SLC27A2: variants seen among roughly 807,000 people sequenced by gnomAD.
SLC27A2 encodes long-chain fatty acid transport protein 2.
SLC27A2 carries 54 observed loss-of-function variants against 60.0 expected under a neutral mutation model. The ratio of observed to expected loss-of-function variants is 0.90; its 90% CI spans 0.72 to 1.13. The LOEUF is 1.13. SLC27A2 is among the 50% of genes most tolerant of loss of function. The probability of loss-of-function intolerance (pLI) is 0.00; values close to 1 mark genes in which losing one functional copy is unlikely to be tolerated. For missense variants in SLC27A2, 739 were observed against 777.6 expected (o/e 0.95, Z 0.59); for synonymous variants, 297 against 297.6 (o/e 1.00, Z 0.02).
intron 8 of SLC27A2, among the ~76,000 whole-genome samples, chr15:50,230,437 G>A (rs1028017434): frequency 2.6e-5 from 4 of 152,004 alleles, no homozygotes; most frequent in African/African-American, 9.7e-5. Context: ...CAGCTACTTG[G>A]GAGGCTGAGG....
intron 7 of SLC27A2, among the ~76,000 whole-genome samples, chr15:50,228,638 ATTTC>A (rs1410115259): frequency 3.3e-5 from 5 of 152,158 alleles, no homozygotes; most frequent in Admixed American, 6.5e-5. Flanking sequence ...AATCGTTGAG[ATTTC>A]TTTCTAATTT....
intron 1 of SLC27A2, among the ~76,000 whole-genome samples, chr15:50,183,923 A>G (rs1435729848): frequency 2.0e-5 from 3 of 151,260 alleles, no homozygotes; most frequent in Non-Finnish European, 4.4e-5. Context: ...ACCATTATAC[A>G]GTTGAGAAAA....
intron 1 of SLC27A2, among the ~76,000 whole-genome samples, chr15:50,194,865 A>C (rs761989870): frequency 3.3e-5 from 5 of 152,234 alleles, no homozygotes; most frequent in African/African-American, 4.8e-5. Flanking sequence ...CTGTTCAAGA[A>C]AGTAAGTACA....
At chr15:50,218,741 C>T (rs1017479738) in intron 4 of SLC27A2, among the ~76,000 whole-genome samples, 8 of 152,010 alleles carry the variant, frequency 5.3e-5, no homozygotes, top group East Asian at 1.9e-4. Context: ...TACTCCCCTT[C>T]GGGAATTTAC....
chr15:50,208,870 A>G (rs1405569270), intron 4 of SLC27A2, among the ~76,000 whole-genome samples: 1 of 152,208 alleles, frequency 6.6e-6, no homozygotes, highest in African/African-American at 2.4e-5. Flanking sequence ...CTTGCAGTGT[A>G]TGGTTGTCAG....
chr15:50,185,730 C>T (rs536904494), intron 1 of SLC27A2, among the ~76,000 whole-genome samples: 33 of 149,968 alleles, frequency 2.2e-4, no homozygotes, highest in African/African-American at 6.9e-4. Flanking sequence ...CCCTGGTTCA[C>T]GCCATTCTCC....
chr15:50,227,104 C>T lies in SLC27A2; in HGVS notation c.1383C>T (p.Phe461=). Residue 461 remains phenylalanine (F), a synonymous_variant, in exon 7 of 10, where the codon TTC becomes TTT. Transcript: ENST00000267842. The stretch of plus-strand genomic sequence containing the variant: ...TCTTTAAGAAAGGAGACCTCTATTT[C>T]AACAGTGGAGATCTCTTAATGGTTG... The part of the protein sequence containing the change: ...RDVFKKGDLY[F]NSGDLLMVDH... 1 of 1,613,902 alleles carries T rather than the reference C, an allele frequency of 6.2e-7. No individual in the cohort carries two copies. The highest frequency in any genetic ancestry group is 8.5e-7 in the Non-Finnish European group (1 of 1,179,770).
chr15:50,215,837 G>T (rs2045191052), intron 4 of SLC27A2, among the ~76,000 whole-genome samples: 1 of 152,080 alleles, frequency 6.6e-6, no homozygotes, highest in South Asian at 2.1e-4. Flanking sequence ...ACTTAAACCT[G>T]ACACGCGAAA....
rs187504796 is a variant in SLC27A2, at chr15:50,206,913, A to G, written c.972+1550A>G. The stretch of plus-strand genomic sequence containing the variant: ...TTTTGGCATATTCAATAGATTCTCG[A>G]GGATCATCATTAGCAGTGAGTTGGG... On this transcript the variant is annotated intron_variant, in intron 4 of 9. Transcript: ENST00000267842. Among the ~76,000 whole-genome samples the G allele has an allele frequency of 5.1e-3, 782 of 152,318 alleles. 3 individuals carry two copies. The highest frequency in any genetic ancestry group is 9.0e-3 in the Non-Finnish European group (609 of 68,034).
rs58548530 is a variant in SLC27A2, at chr15:50,219,589, C to G, written c.973-3376C>G. 7.7e-3 allele frequency among the ~76,000 whole-genome samples: 1,175 copies of G among 152,136 alleles called. 33 individuals are homozygous for G. In the East Asian group the frequency reaches 0.096, roughly 12 times the overall value. ...ATTCAGATTTGAATCTTGGAGCAAC[C>G]GTTTTGCTACCTTTGTGATCCTGGG... is the stretch of plus-strand genomic sequence containing the variant. On this transcript the variant is annotated intron_variant, in intron 4 of 9. Coordinates refer to ENST00000267842, the MANE Select transcript of SLC27A2 (RefSeq NM_003645.4).
intron 3 of SLC27A2, among the ~76,000 whole-genome samples, chr15:50,204,983 C>T (rs529661640): frequency 6.7e-6 from 1 of 150,240 alleles, no homozygotes; most frequent in East Asian, 1.9e-4. Flanking sequence ...CTTAGGACTT[C>T]ATTTGAATCT....
At chr15:50,201,105 C>T (rs2045060285) in intron 2 of SLC27A2, among the ~76,000 whole-genome samples, 1 of 152,180 alleles carries the variant, frequency 6.6e-6, no homozygotes, top group African/African-American at 2.4e-5. Flanking sequence ...GATCATCCCA[C>T]CCAAGTAGCT....
At chr15:50,228,331 T>C (rs1207939511) in intron 7 of SLC27A2, among the ~76,000 whole-genome samples, 1 of 128,574 alleles carries the variant, frequency 7.8e-6, no homozygotes, top group Non-Finnish European at 1.6e-5. Flanking sequence ...GAGCTGAGAT[T>C]GCACCACTGC....
At chr15:50,185,399 C>A (rs2044912619) in intron 1 of SLC27A2, among the ~76,000 whole-genome samples, 1 of 152,094 alleles carries the variant, frequency 6.6e-6, no homozygotes. Context: ...TACCTTTGCA[C>A]ATGAAGCAAA....
At chr15:50,186,102 G>T (rs1164559309) in intron 1 of SLC27A2, among the ~76,000 whole-genome samples, 4 of 151,948 alleles carry the variant, frequency 2.6e-5, no homozygotes. Flanking sequence ...AAATTAACTG[G>T]GCATGATGGT....
rs542602725 is a variant in SLC27A2, at chr15:50,191,953, G to A, written c.479-5547G>A. On this transcript the variant is annotated intron_variant, in intron 1 of 9. Transcript: ENST00000267842. ...CAGCCGCCTGTAATCCCAGCTACTC[G>A]GGAGGCTGAGGCAGGAGAGCCGCTT... 2.9e-3 allele frequency among the ~76,000 whole-genome samples: 435 copies of A among 151,920 alleles called. 2 individuals are homozygous for A. Among genetic ancestry groups the A allele is most frequent in the African/African-American group, 0.01 (418 of 41,454 alleles).
chr15:50,215,276 T>C (rs1173130382), intron 4 of SLC27A2, among the ~76,000 whole-genome samples: 7 of 152,014 alleles, frequency 4.6e-5, no homozygotes, highest in African/African-American at 1.4e-4. Flanking sequence ...AAAAGGCCTC[T>C]ACATAAAACT....
chr15:50,195,311 G>GAAAAAA (rs745744454), intron 1 of SLC27A2, among the ~76,000 whole-genome samples: 20 of 110,998 alleles, frequency 1.8e-4, no homozygotes, highest in African/African-American at 5.8e-4. Context: ...CTAAAAATAT[G>GAAAAAA]AAAAAAAAAA....
In SLC27A2 at chr15:50,235,141, G is replaced by T. The variant is rs368189382; in HGVS notation, c.1687-779G>T. ...ATTCTGTAGCTGAAGACTTGACAAA[G>T]GAGGTCTTAAGATTCCAGATATTGT... On this transcript the variant is annotated intron_variant, in intron 9 of 9. Transcript: ENST00000267842. Among the ~76,000 whole-genome samples, 12 of 152,282 alleles carry T rather than the reference G, an allele frequency of 7.9e-5. No homozygotes were observed. The East Asian group carries it at 1.3e-3, about 17-fold the overall frequency.
Sources: gnomAD v4.1 joint callset for allele counts (sites outside exome capture counted in the v4.1 genomes callset) on GRCh38, gnomAD v4.1.1 for gene constraint, MANE v1.5 for transcripts, NCBI Gene and HGNC (gene_info 2026-07-23, HGNC 2026-07-21) for gene names.